The following PHACTR1 variants were observed in gnomAD, a reference collection of about 807,000 sequenced individuals.
PHACTR1 encodes the protein RPEL repeat containing 1.
Under a neutral mutation model 69.2 loss-of-function variants are expected in PHACTR1, and 16 were observed. The ratio of observed to expected loss-of-function variants is 0.23; its 90% CI spans 0.16 to 0.35. PHACTR1 has a LOEUF of 0.35. PHACTR1 is among the 10% of genes least tolerant of loss of function. The pLI, the probability that PHACTR1 is intolerant of heterozygous loss-of-function variation, is 1.00. For missense variants in PHACTR1, 510 were observed against 734.7 expected, an observed-to-expected ratio of 0.69 and a Z score of 3.54; for synonymous variants, 312 against 284.5, an observed-to-expected ratio of 1.10 and a Z score of -0.97.
chr6:12,981,421 T>C (rs1339221298), intron 4 of PHACTR1, among the ~76,000 whole-genome samples: 2 of 152,228 alleles, frequency 1.3e-5, no homozygotes, highest in African/African-American at 4.8e-5. Context: ...AGAAAACCTT[T>C]AAATTAAATG....
At chr6:13,233,777 C>T (rs1447133407) in intron 10 of PHACTR1, among the ~76,000 whole-genome samples, 1 of 152,180 alleles carries the variant, frequency 6.6e-6, no homozygotes, top group Non-Finnish European at 1.5e-5. Context: ...CAGGAGAAGA[C>T]ACATCAACTA....
intron 10 of PHACTR1, among the ~76,000 whole-genome samples, chr6:13,233,160 C>T (rs1166899792): frequency 6.6e-6 from 1 of 152,186 alleles, no homozygotes; most frequent in African/African-American, 2.4e-5. Flanking sequence ...GGGAGACAAT[C>T]CCAGCCTCTC....
intron 4 of PHACTR1, among the ~76,000 whole-genome samples, chr6:12,923,838 G>A (rs1197685467): frequency 6.6e-6 from 1 of 152,204 alleles, no homozygotes; most frequent in Non-Finnish European, 1.5e-5. Context: ...AGAGGCAGTA[G>A]TGTAAGGAAG....
intron 4 of PHACTR1, among the ~76,000 whole-genome samples, chr6:12,883,925 CACAT>C (rs1783363776): frequency 1.3e-5 from 2 of 152,216 alleles, no homozygotes; most frequent in African/African-American, 2.4e-5. Flanking sequence ...CACACACACA[CACAT>C]GCCCATACAT....
intron 4 of PHACTR1, among the ~76,000 whole-genome samples, chr6:12,992,904 G>A (rs960004464): frequency 6.6e-6 from 1 of 151,954 alleles, no homozygotes; most frequent in East Asian, 1.9e-4. Flanking sequence ...TACATAGTGC[G>A]TGAAGAAGCT....
At chr6:13,247,945 C>G (rs924164220) in intron 10 of PHACTR1, among the ~76,000 whole-genome samples, 5 of 152,206 alleles carry the variant, frequency 3.3e-5, no homozygotes, top group Middle Eastern at 3.2e-3. Context: ...GAATCTACCA[C>G]CTGCCCATTC....
chr6:13,079,233 GC>G (rs1811006972), intron 5 of PHACTR1, among the ~76,000 whole-genome samples: 1 of 152,116 alleles, frequency 6.6e-6, no homozygotes, highest in South Asian at 2.1e-4. Flanking sequence ...CTGCTTACAT[GC>G]GATGGCTGGA....
Position 13,036,901 on chromosome 6 carries a change from A to G in PHACTR1, c.251-16464A>G, listed in dbSNP as rs1441746276. Among the ~76,000 whole-genome samples, 3 of 152,264 alleles carry G rather than the reference A, an allele frequency of 2.0e-5. No homozygotes were observed. The East Asian group carries it at 5.8e-4, about 29-fold the overall frequency. ...TCCTTTCTCTGAGAAACATTCATTCATTTATCCATTCAAAAAATAATCACT... is the reference window on the plus strand; with the variant it reads ...TCCTTTCTCTGAGAAACATTCATTCGTTTATCCATTCAAAAAATAATCACT... On this transcript the variant is annotated intron_variant, in intron 4 of 14. Transcript: ENST00000332995.
chr6:13,241,394 C>T (rs1772819925), intron 10 of PHACTR1, among the ~76,000 whole-genome samples: 1 of 152,162 alleles, frequency 6.6e-6, no homozygotes, highest in East Asian at 1.9e-4. Flanking sequence ...ACCCCAGACC[C>T]AGAATCAGAA....
In PHACTR1 at chr6:12,798,039, G is replaced by GACACACACAC. The variant is rs10529531; in HGVS notation, c.250+48270_250+48279dup. Among the ~76,000 whole-genome samples, 738 of 137,804 alleles carry GACACACACAC rather than the reference G, an allele frequency of 5.4e-3. 7 individuals are homozygous for GACACACACAC. Among genetic ancestry groups the GACACACACAC allele is most frequent in the South Asian group, 0.012 (51 of 4,140 alleles). The allele number at this position is 137,804 out of a possible 152,430, so 90.4% of individuals were successfully genotyped here. A position where few individuals can be genotyped will look rare whatever the true frequency, so the allele number is the denominator to read the frequency against. ...ACTGTCAATGTCTCATCATTTCCTA[G>GACACACACAC]ACACACACACACACACACACACACA... On this transcript the variant is annotated intron_variant, in intron 4 of 14. Coordinates refer to ENST00000332995, the MANE Select transcript of PHACTR1 (RefSeq NM_030948.6).
intron 13 of PHACTR1, among the ~76,000 whole-genome samples, chr6:13,284,543 A>ATAT (rs1307782343): frequency 1.6e-4 from 10 of 61,346 alleles, no homozygotes; most frequent in African/African-American, 8.5e-4. Context: ...AAAAAAAAAA[A>ATAT]ATATATATAT....
chr6:13,097,928 T>A (rs1323213274), intron 5 of PHACTR1, among the ~76,000 whole-genome samples: 1 of 152,194 alleles, frequency 6.6e-6, no homozygotes, highest in Non-Finnish European at 1.5e-5. Flanking sequence ...GGGTTGCTCC[T>A]CCTGTTACAA....
chr6:12,886,079 G>C (rs1009341445), intron 4 of PHACTR1, among the ~76,000 whole-genome samples: 1 of 151,928 alleles, frequency 6.6e-6, no homozygotes, highest in African/African-American at 2.4e-5. Flanking sequence ...TGGGTGACAG[G>C]GTGAGACTCC....
At chr6:12,958,809 G>A (rs1244847537) in intron 4 of PHACTR1, among the ~76,000 whole-genome samples, 1 of 152,204 alleles carries the variant, frequency 6.6e-6, no homozygotes, top group African/African-American at 2.4e-5. Context: ...AGTTTTCACT[G>A]CCTTTCCTTC....
At chr6:12,958,118 C>T in intron 4 of PHACTR1, 1 of 823,756 alleles carries the variant, frequency 1.2e-6, no homozygotes, top group Non-Finnish European at 1.5e-6. Context: ...ATGCTTTGTT[C>T]GGTTTAGAGA....
chr6:12,798,070 C>A (rs199893524), intron 4 of PHACTR1, among the ~76,000 whole-genome samples: 3 of 6,512 alleles, frequency 4.6e-4, no homozygotes, highest in Non-Finnish European at 1.5e-3. Flanking sequence ...ACACACACAC[C>A]CCTACATAAG....
intron 4 of PHACTR1, among the ~76,000 whole-genome samples, chr6:12,779,228 G>T (rs1770494950): frequency 6.6e-6 from 1 of 152,182 alleles, no homozygotes; most frequent in Admixed American, 6.5e-5. Context: ...CCAGCTACTT[G>T]CAAGGCTGAG....
At chr6:12,829,964 A>AAGAAAGAGAGAGAG (rs1554146291) in intron 4 of PHACTR1, among the ~76,000 whole-genome samples, 1 of 99,854 alleles carries the variant, frequency 1.0e-5, no homozygotes, top group Non-Finnish European at 1.9e-5. Flanking sequence ...TCAAGAAAGA[A>AAGAAAGAGAGAGAG]AGAGAGAGAG....
intron 5 of PHACTR1, among the ~76,000 whole-genome samples, chr6:13,139,893 C>G (rs955877326): frequency 6.6e-6 from 1 of 152,132 alleles, no homozygotes; most frequent in Non-Finnish European, 1.5e-5. Flanking sequence ...AAATTCATCT[C>G]CACTTTCCCT....
Sources: allele counts gnomAD v4.1 joint callset (sites outside exome capture counted in the v4.1 genomes callset), GRCh38; gene constraint gnomAD v4.1.1; transcripts MANE v1.5; gene names NCBI Gene and HGNC (gene_info 2026-07-23, HGNC 2026-07-21).